The following SLC13A3 variants were observed in gnomAD, a reference collection of about 807,000 sequenced individuals.
SLC13A3 encodes Na(+)/dicarboxylate cotransporter 3.
In SLC13A3, 40 loss-of-function variants were observed where a neutral mutation model predicts 59.0. That is an observed-to-expected ratio of 0.68 (90% CI 0.53 to 0.88). SLC13A3 has a LOEUF of 0.88. Among genes scored for constraint, SLC13A3 ranks in the 40% least tolerant of loss-of-function variants. SLC13A3 has a pLI of 0.00. For synonymous variants in SLC13A3, 317 were observed against 330.3 expected, an observed-to-expected ratio of 0.96 and a Z score of 0.44; for missense variants, 699 against 783.2, an observed-to-expected ratio of 0.89 and a Z score of 1.28.
chr20:46,680,161 A>G lies in SLC13A3; in HGVS notation c.-31+4235T>C, dbSNP rs116648018. Among the ~76,000 whole-genome samples, 143 of 152,280 alleles carry G rather than the reference A, an allele frequency of 9.4e-4. 1 individual carries two copies. Among genetic ancestry groups the G allele is most frequent in the African/African-American group, 3.4e-3 (140 of 41,564 alleles). On this transcript the variant is annotated intron_variant, in intron 1 of 6. Coordinates refer to the SLC13A3 transcript ENST00000372121. ...ACAGCAGCCTCAGCATCACCTGGGA[A>G]GTTGTTAGCAATGCAGATTCTCAGG...
At chr20:46,683,574 A>G (rs1177899473) in intron 1 of SLC13A3, among the ~76,000 whole-genome samples, 1 of 152,204 alleles carries the variant, frequency 6.6e-6, no homozygotes, top group Non-Finnish European at 1.5e-5. Context: ...CCTCCTCACC[A>G]GCTCATCTAT....
intron 3 of SLC13A3, among the ~76,000 whole-genome samples, chr20:46,604,362 G>A (rs1057064325): frequency 6.6e-6 from 1 of 152,164 alleles, no homozygotes; most frequent in Admixed American, 6.5e-5. Flanking sequence ...CACTGCTGTA[G>A]TAAATGATAA....
intron 4 of SLC13A3, among the ~76,000 whole-genome samples, chr20:46,598,288 C>T (rs1420300606): frequency 1.3e-5 from 2 of 152,128 alleles, no homozygotes; most frequent in African/African-American, 4.8e-5. Flanking sequence ...TGGAAACTAC[C>T]GTCATGGTCT....
chr20:46,664,342 A>G (rs2063050097), intron 1 of SLC13A3, among the ~76,000 whole-genome samples: 1 of 152,136 alleles, frequency 6.6e-6, no homozygotes. Context: ...GAATCTTGAC[A>G]CCCAACAGCT....
intron 10 of SLC13A3, among the ~76,000 whole-genome samples, chr20:46,573,599 G>A (rs571123380): frequency 2.0e-4 from 30 of 152,240 alleles, no homozygotes; most frequent in Non-Finnish European, 3.7e-4. Context: ...ATGAGCTGGT[G>A]TACATGCAGT....
Position 46,600,324 on chromosome 20 carries a change from A to AAAGGAAAGG in SLC13A3, c.542-288_542-287insCCTTTCCTT, listed in dbSNP as rs1555878131. Reference sequence around the variant, plus strand: ...GAAAGAAAGAAAGAGGGAAGGAAGGAAAGGAAGGAAGGAAGGAAAGGAAAA... The same window carrying AAAGGAAAGG: ...GAAAGAAAGAAAGAGGGAAGGAAGGAAAGGAAAGGAAGGAAGGAAGGAAGGAAAGGAAAA... On this transcript the variant is annotated intron_variant, in intron 3 of 12. Transcript: ENST00000279027. Among the ~76,000 whole-genome samples, 8 of 83,858 alleles carry AAAGGAAAGG rather than the reference A, an allele frequency of 9.5e-5. 1 individual carries two copies. The South Asian group carries it at 3.5e-3, about 37-fold the overall frequency. The allele number at this position is 83,858 out of a possible 152,430, so 55.0% of individuals were successfully genotyped here. A position where few individuals can be genotyped will look rare whatever the true frequency, so the allele number is the denominator to read the frequency against.
intron 12 of SLC13A3, among the ~76,000 whole-genome samples, chr20:46,560,524 T>C (rs145931066): frequency 6.6e-5 from 10 of 152,288 alleles, no homozygotes; most frequent in Admixed American, 2.0e-4. Context: ...CCCCATTTTA[T>C]AGAAGAGAAA....
chr20:46,583,110 C>T, intron 9 of SLC13A3: 1 of 982,342 alleles, frequency 1.0e-6, no homozygotes, highest in Non-Finnish European at 1.2e-6. Context: ...GAAAAATAAA[C>T]ATTTTTTGCT....
At chr20:46,677,614 G>A (rs2063133753) in intron 1 of SLC13A3, among the ~76,000 whole-genome samples, 1 of 152,148 alleles carries the variant, frequency 6.6e-6, no homozygotes, top group African/African-American at 2.4e-5. Flanking sequence ...GGTTTGTTTT[G>A]GGACCTGTTG....
At chr20:46,579,018 C>G (rs1460646581) in intron 9 of SLC13A3, among the ~76,000 whole-genome samples, 1 of 152,216 alleles carries the variant, frequency 6.6e-6, no homozygotes, top group Non-Finnish European at 1.5e-5. Flanking sequence ...AAGTGCAACT[C>G]AGACCCACAA....
chr20:46,560,791 C>T (rs1485555203), intron 12 of SLC13A3, among the ~76,000 whole-genome samples: 1 of 152,178 alleles, frequency 6.6e-6, no homozygotes, highest in Non-Finnish European at 1.5e-5. Context: ...TGCCCATCTG[C>T]TCCCTACCCT....
At chr20:46,578,152 G>C (rs542312493) in intron 9 of SLC13A3, among the ~76,000 whole-genome samples, 3 of 151,370 alleles carry the variant, frequency 2.0e-5, no homozygotes, top group Admixed American at 2.0e-4. Context: ...GGATGGTCTC[G>C]ATCTCCTGAC....
rs61674461 is a variant in SLC13A3, at chr20:46,609,187, A to C, written c.541+1259T>G. On this transcript the variant is annotated intron_variant, in intron 3 of 12. Transcript: ENST00000279027. The stretch of plus-strand genomic sequence containing the variant: ...AAGTAAGACATTTTAAAGTGACATG[A>C]TGTGGCAGCCACTTTGCAACCATAA... 3 of 1,372,540 alleles carry C rather than the reference A, an allele frequency of 2.2e-6. No homozygotes were observed. In the East Asian group the frequency reaches 7.6e-5, roughly 35 times the overall value. 85.0% of individuals were successfully genotyped at this position (1,372,540 alleles called of 1,614,324 possible).
intron 11 of SLC13A3, 45 bp downstream of exon 11, chr20:46,566,184 G>A (rs1251552044): frequency 6.5e-7 from 1 of 1,547,954 alleles, no homozygotes. Flanking sequence ...TTCTGAATGT[G>A]TGTTGGGGGA....
At chr20:46,669,023 C>A (rs1011484467) in intron 1 of SLC13A3, among the ~76,000 whole-genome samples, 1 of 152,142 alleles carries the variant, frequency 6.6e-6, no homozygotes, top group African/African-American at 2.4e-5. Context: ...GTTCATTGGA[C>A]AGATAAGGAA....
chr20:46,584,551 G>A lies in SLC13A3; in HGVS notation c.1122-882C>T, dbSNP rs887739776. 27 of 928,622 alleles carry A rather than the reference G, an allele frequency of 2.9e-5. No individual in the cohort carries two copies. The African/African-American group carries it at 4.5e-4, about 15-fold the overall frequency. 57.5% of individuals were successfully genotyped at this position (928,622 alleles called of 1,614,324 possible). On this transcript the variant is annotated intron_variant, in intron 8 of 12. Transcript: ENST00000279027. ...TATTCAAACAGACAAGAAGTTGGAA[G>A]AGATGGTCAATATCACTATCATCAG... is the stretch of plus-strand genomic sequence containing the variant.
At chr20:46,639,778 T>G (rs1017823195) in intron 1 of SLC13A3, among the ~76,000 whole-genome samples, 1 of 152,210 alleles carries the variant, frequency 6.6e-6, no homozygotes, top group African/African-American at 2.4e-5. Context: ...CCCACTATTT[T>G]GTCAATGGCT....
intron 5 of SLC13A3, among the ~76,000 whole-genome samples, chr20:46,595,189 C>T (rs768703365): frequency 7.2e-5 from 11 of 152,146 alleles, no homozygotes; most frequent in African/African-American, 2.7e-4. Flanking sequence ...AACCCTGCCT[C>T]GGAATCCTGG....
chr20:46,659,717 C>G lies in SLC13A3; in HGVS notation c.-31+10326G>C, dbSNP rs554781120. ...GGTGACAGAGTGAGACCCTATCCCC[C>G]CCCCCCAAAAAAAAAAAGAAAAAAC... On this transcript the variant is annotated intron_variant, in intron 1 of 12. Transcript: ENST00000290317. Among the ~76,000 whole-genome samples the G allele has an allele frequency of 2.3e-4, 34 of 148,352 alleles. 1 individual carries two copies. In the East Asian group the frequency reaches 4.5e-3, roughly 20 times the overall value.
Sources: allele counts gnomAD v4.1 joint callset (sites outside exome capture counted in the v4.1 genomes callset), GRCh38; gene constraint gnomAD v4.1.1; transcripts MANE v1.5; gene names NCBI Gene and HGNC (gene_info 2026-07-23, HGNC 2026-07-21).